CHODL: variants seen among roughly 807,000 people sequenced by gnomAD.
CHODL encodes the protein transmembrane protein MT75.
In CHODL, 29 loss-of-function variants were observed where a neutral mutation model predicts 34.5. The observed-to-expected ratio is 0.84, with a 90% CI of 0.63 to 1.15. The LOEUF is 1.15. CHODL is among the 50% of genes most tolerant of loss of function. The probability of loss-of-function intolerance (pLI) is 0.00; values close to 1 mark genes in which losing one functional copy is unlikely to be tolerated. For missense variants in CHODL, 332 were observed against 332.5 expected (o/e 1.00, Z 0.01); for synonymous variants, 125 against 116.1 (o/e 1.08, Z -0.49).
intron 2 of CHODL, among the ~76,000 whole-genome samples, chr21:18,057,131 C>T (rs2064591903): frequency 6.6e-6 from 1 of 152,088 alleles, no homozygotes; most frequent in Non-Finnish European, 1.5e-5. Flanking sequence ...GTTCCAATTT[C>T]ATCCTTGAGG....
chr21:18,103,774 C>T (rs2065242809), intron 2 of CHODL, among the ~76,000 whole-genome samples: 1 of 152,164 alleles, frequency 6.6e-6, no homozygotes, highest in Admixed American at 6.6e-5. Context: ...GAGTGAACAT[C>T]CCACTGGACC....
At chr21:18,127,310 T>G (rs1340592279) in intron 2 of CHODL, among the ~76,000 whole-genome samples, 2 of 152,154 alleles carry the variant, frequency 1.3e-5, no homozygotes, top group Non-Finnish European at 2.9e-5. Flanking sequence ...TCATATGGTA[T>G]TTGTGGTGTC....
intron 1 of CHODL, among the ~76,000 whole-genome samples, chr21:18,012,886 T>C (rs1175013633): frequency 6.6e-6 from 1 of 152,184 alleles, no homozygotes; most frequent in Non-Finnish European, 1.5e-5. Context: ...ATATAAAATA[T>C]GGCTGGAGTG....
intron 1 of CHODL, among the ~76,000 whole-genome samples, chr21:18,019,453 A>G (rs158051): frequency 0.029 from 4,428 of 152,254 alleles, 202 homozygotes; most frequent in African/African-American, 0.099. Context: ...TGTACATTTT[A>G]AAATAATTAA....
intron 2 of CHODL, among the ~76,000 whole-genome samples, chr21:18,038,232 T>C (rs1437989845): frequency 2.0e-5 from 3 of 151,700 alleles, no homozygotes; most frequent in Admixed American, 1.3e-4. Context: ...ATTGTGCATT[T>C]CCCCAAGGTG....
intron 2 of CHODL, among the ~76,000 whole-genome samples, chr21:18,094,720 T>G (rs1454406559): frequency 7.0e-6 from 1 of 143,368 alleles, no homozygotes; most frequent in African/African-American, 2.5e-5. Context: ...TAAGAGAAAT[T>G]TATAGCTATA....
intron 1 of CHODL, among the ~76,000 whole-genome samples, chr21:17,988,304 A>G (rs2063769460): frequency 6.6e-6 from 1 of 151,606 alleles, no homozygotes; most frequent in Non-Finnish European, 1.5e-5. Flanking sequence ...CTTCAAGTTT[A>G]GCTGGGCCAA....
intron 1 of CHODL, among the ~76,000 whole-genome samples, chr21:17,956,536 G>T (rs779528099): frequency 3.7e-5 from 5 of 136,216 alleles, no homozygotes; most frequent in African/African-American, 1.3e-4. Flanking sequence ...GTTTGGGCTG[G>T]CATAACAAAA....
At chr21:18,034,372 C>T (rs1411754758) in intron 2 of CHODL, 2 of 151,978 alleles carry the variant, frequency 1.3e-5, no homozygotes, top group Non-Finnish European at 2.9e-5. Context: ...GCAAGTGTAG[C>T]CCTTCCAGGT....
chr21:18,214,320 A>T (rs2082386464), intron 2 of CHODL, among the ~76,000 whole-genome samples: 1 of 152,074 alleles, frequency 6.6e-6, no homozygotes, highest in African/African-American at 2.4e-5. Context: ...CGTTACTTTA[A>T]GTAGTAATTA....
chr21:18,137,977 A>C (rs967582039), intron 2 of CHODL, among the ~76,000 whole-genome samples: 1 of 152,142 alleles, frequency 6.6e-6, no homozygotes, highest in African/African-American at 2.4e-5. Flanking sequence ...TGTCTCTGGA[A>C]ATTTAGGGAC....
intron 1 of CHODL, among the ~76,000 whole-genome samples, chr21:17,943,712 ACTCTGACCATG>A (rs1209470412): frequency 6.6e-6 from 1 of 152,140 alleles, no homozygotes; most frequent in Non-Finnish European, 1.5e-5. Context: ...GACTAGTCTC[ACTCTGACCATG>A]CTCTCTGTCC....
intron 1 of CHODL, among the ~76,000 whole-genome samples, chr21:17,924,057 C>A (rs1192674486): frequency 6.6e-6 from 1 of 152,096 alleles, no homozygotes; most frequent in African/African-American, 2.4e-5. Context: ...GATAGAGTGT[C>A]TGATATTTGG....
chr21:17,939,129 G>GTA (rs1295747981), intron 1 of CHODL, among the ~76,000 whole-genome samples: 1 of 152,132 alleles, frequency 6.6e-6, no homozygotes, highest in African/African-American at 2.4e-5. Context: ...ATTTCTAAGT[G>GTA]TATAATACAT....
chr21:18,062,210 G>C (rs939090055), intron 2 of CHODL, among the ~76,000 whole-genome samples: 7 of 152,052 alleles, frequency 4.6e-5, no homozygotes, highest in African/African-American at 1.7e-4. Context: ...CAACAGCCCA[G>C]ACCTTAATTT....
At chr21:17,927,930 G>A (rs1191112038) in intron 1 of CHODL, among the ~76,000 whole-genome samples, 1 of 152,146 alleles carries the variant, frequency 6.6e-6, no homozygotes, top group African/African-American at 2.4e-5. Flanking sequence ...CTTTTTGTGA[G>A]GTTAACTAAC....
intron 1 of CHODL, among the ~76,000 whole-genome samples, chr21:17,928,843 A>G (rs1031063871): frequency 6.6e-6 from 1 of 152,344 alleles, no homozygotes; most frequent in African/African-American, 2.4e-5. Flanking sequence ...TATATTTTCA[A>G]ACGTATACAA....
At chr21:18,081,757 C>T (rs1470419194) in intron 2 of CHODL, among the ~76,000 whole-genome samples, 1 of 150,984 alleles carries the variant, frequency 6.6e-6, no homozygotes, top group Non-Finnish European at 1.5e-5. Flanking sequence ...ATGCTTTTAA[C>T]TTTTCTCGTT....
intron 1 of CHODL, among the ~76,000 whole-genome samples, chr21:17,984,214 T>A (rs2063736247): frequency 1.3e-5 from 2 of 152,178 alleles, no homozygotes; most frequent in Non-Finnish European, 2.9e-5. Context: ...GTCATCTATG[T>A]TGTCAGTTTT....
Sources: gnomAD v4.1 joint callset for allele counts (sites outside exome capture counted in the v4.1 genomes callset) on GRCh38, gnomAD v4.1.1 for gene constraint, MANE v1.5 for transcripts, NCBI Gene and HGNC (gene_info 2026-07-23, HGNC 2026-07-21) for gene names.